Variants in RBFOX1 observed in about 807,000 individuals in gnomAD.
The protein encoded by RBFOX1 is RNA binding fox-1 homolog 1.
RBFOX1 carries 8 observed loss-of-function variants against 57.7 expected under a neutral mutation model. That is an observed-to-expected ratio of 0.14 (90% CI 0.08 to 0.25). The LOEUF (loss-of-function observed/expected upper bound fraction) is 0.25. RBFOX1 is among the 10% of genes least tolerant of loss of function. The pLI is 1.00. For synonymous variants in RBFOX1, 326 were observed against 222.4 expected, an observed-to-expected ratio of 1.47 and a Z score of -4.15; for missense variants, 611 against 548.5, an observed-to-expected ratio of 1.11 and a Z score of -1.14.
intron 3 of RBFOX1, among the ~76,000 whole-genome samples, chr16:6,961,939 G>A (rs1034027134): frequency 4.1e-5 from 6 of 148,130 alleles, no homozygotes; most frequent in Middle Eastern, 3.2e-3. Context: ...TGTGTCTTGT[G>A]CAGACCTTCT....
chr16:6,685,345 G>A (rs971075714), intron 3 of RBFOX1, among the ~76,000 whole-genome samples: 1 of 140,298 alleles, frequency 7.1e-6, no homozygotes, highest in South Asian at 2.2e-4. Flanking sequence ...GCTGGATCTC[G>A]GCTCACTGCA....
At chr16:6,650,358 A>T (rs1440772044) in intron 2 of RBFOX1, among the ~76,000 whole-genome samples, 1 of 152,164 alleles carries the variant, frequency 6.6e-6, no homozygotes, top group Non-Finnish European at 1.5e-5. Flanking sequence ...TGGATAAATT[A>T]TGTGGACTGA....
Position 6,679,864 on chromosome 16 carries a change from C to T in RBFOX1, c.-16+25214C>T, listed in dbSNP as rs1274954116. Among the ~76,000 whole-genome samples, 4 of 140,336 alleles carry T rather than the reference C, an allele frequency of 2.9e-5. No individual in the cohort carries two copies. The East Asian group carries it at 8.4e-4, about 30-fold the overall frequency. The allele number at this position is 140,336 out of a possible 152,430, so 92.1% of individuals were successfully genotyped here. ...AACACTGGGACCTTCTACATAAAGCCATAGTTTCTACTTGTTTTTTTTTTT... is the reference window on the plus strand; with the variant it reads ...AACACTGGGACCTTCTACATAAAGCTATAGTTTCTACTTGTTTTTTTTTTT... On this transcript the variant is annotated intron_variant, in intron 3 of 15. Coordinates refer to ENST00000550418, the MANE Select transcript of RBFOX1 (RefSeq NM_018723.4).
intron 12 of RBFOX1, among the ~76,000 whole-genome samples, chr16:7,659,291 T>TAAGTC (rs919247864): frequency 6.6e-6 from 1 of 152,200 alleles, no homozygotes; most frequent in Non-Finnish European, 1.5e-5. Flanking sequence ...GTTTTCACGT[T>TAAGTC]AAGTCCTAAA....
At position 5,576,835 on chromosome 16, in the gene RBFOX1, A is replaced by G. The variant is rs11862305; in HGVS notation, c.259-22067A>G. ...AGAAGCTGAAGGGTCTGAGCGCTAG[A>G]GAACTAAATAAATAGAGGGAAGAGA... On this transcript the variant is annotated intron_variant, in intron 2 of 2. Transcript: ENST00000585867. Among the ~76,000 whole-genome samples the G allele has an allele frequency of 5.5e-3, 843 of 152,360 alleles. 11 individuals are homozygous for G. Among genetic ancestry groups the G allele is most frequent in the African/African-American group, 0.019 (807 of 41,590 alleles).
At chr16:6,650,346 T>C (rs943306665) in intron 2 of RBFOX1, among the ~76,000 whole-genome samples, 1 of 152,136 alleles carries the variant, frequency 6.6e-6, no homozygotes, top group Non-Finnish European at 1.5e-5. Flanking sequence ...GAATGAAACC[T>C]GTGGATAAAT....
At chr16:5,364,417 C>T (rs1478452410) in intron 1 of RBFOX1, among the ~76,000 whole-genome samples, 1 of 152,180 alleles carries the variant, frequency 6.6e-6, no homozygotes, top group Non-Finnish European at 1.5e-5. Context: ...CTTGGCAATA[C>T]CTAAGAAATA....
chr16:6,705,271 C>T (rs184986280), intron 3 of RBFOX1: 1 of 152,106 alleles, frequency 6.6e-6, no homozygotes. Context: ...TCAAAACATA[C>T]TGGGCAAAGG....
At chr16:7,298,992 A>C (rs1401251515) in intron 4 of RBFOX1, among the ~76,000 whole-genome samples, 2 of 152,214 alleles carry the variant, frequency 1.3e-5, no homozygotes, top group Non-Finnish European at 2.9e-5. Flanking sequence ...GCAATGGTGG[A>C]GTGAATATCC....
chr16:5,341,017 A>G (rs1300668558), intron 1 of RBFOX1, among the ~76,000 whole-genome samples: 1 of 152,202 alleles, frequency 6.6e-6, no homozygotes, highest in African/African-American at 2.4e-5. Flanking sequence ...TGAATAACCC[A>G]GATACCTGTG....
chr16:6,973,521 C>T (rs896399053), intron 3 of RBFOX1, among the ~76,000 whole-genome samples: 5 of 152,186 alleles, frequency 3.3e-5, no homozygotes, highest in Non-Finnish European at 7.3e-5. Flanking sequence ...CTAGGAGAAG[C>T]TCAACGTTGA....
chr16:7,030,520 T>G (rs1182318051), intron 3 of RBFOX1, among the ~76,000 whole-genome samples: 1 of 152,192 alleles, frequency 6.6e-6, no homozygotes, highest in East Asian at 1.9e-4. Flanking sequence ...CGTTCCTTGG[T>G]TTGTGGCCAC....
intron 1 of RBFOX1, among the ~76,000 whole-genome samples, chr16:6,197,485 C>A (rs894780875): frequency 8.3e-4 from 126 of 152,224 alleles, no homozygotes; most frequent in African/African-American, 2.7e-3. Flanking sequence ...CCCTGCTCCA[C>A]CTGAGCACAA....
At chr16:5,557,028 G>C (rs2045703251) in intron 2 of RBFOX1, among the ~76,000 whole-genome samples, 2 of 152,112 alleles carry the variant, frequency 1.3e-5, no homozygotes, top group Admixed American at 1.3e-4. Context: ...GGGAGGCTGA[G>C]GCAGGCGGAT....
intron 3 of RBFOX1, among the ~76,000 whole-genome samples, chr16:6,874,926 A>G (rs118092721): frequency 1.3e-5 from 2 of 152,112 alleles, no homozygotes; most frequent in African/African-American, 4.8e-5. Context: ...TAAAAGAAAA[A>G]CATTGTTGAA....
chr16:6,536,555 AG>A (rs1665192543), intron 2 of RBFOX1, among the ~76,000 whole-genome samples: 1 of 113,206 alleles, frequency 8.8e-6, no homozygotes, highest in African/African-American at 3.1e-5. Context: ...GGGGCCCAGG[AG>A]GTTTTTTTTT....
rs1049315490 is a variant in RBFOX1, at chr16:6,224,332, C to T, written c.-126-92663C>T. On this transcript the variant is annotated intron_variant, in intron 1 of 15. Coordinates refer to ENST00000550418, the MANE Select transcript of RBFOX1 (RefSeq NM_018723.4). ...TTTTCACGATATTGATTCTTTCTAA[C>T]CATGAGCATGGAATGTTCTTCTGTT... Among the ~76,000 whole-genome samples, 10 of 151,938 alleles carry T rather than the reference C, an allele frequency of 6.6e-5. 1 individual carries two copies. Among genetic ancestry groups the T allele is most frequent in the African/African-American group, 2.4e-4 (10 of 41,382 alleles).
chr16:6,245,195 T>G (rs1313919268), intron 1 of RBFOX1, among the ~76,000 whole-genome samples: 1 of 152,186 alleles, frequency 6.6e-6, no homozygotes. Flanking sequence ...AACCTCTATT[T>G]CTTTGTAAGC....
At chr16:5,686,460 T>C (rs1252595812) in intron 3 of RBFOX1, among the ~76,000 whole-genome samples, 1 of 152,186 alleles carries the variant, frequency 6.6e-6, no homozygotes, top group African/African-American at 2.4e-5. Flanking sequence ...ACCCAAAGCC[T>C]GCAGTGAAGG....
Sources: allele counts gnomAD v4.1 joint callset (sites outside exome capture counted in the v4.1 genomes callset), GRCh38; gene constraint gnomAD v4.1.1; transcripts MANE v1.5; gene names NCBI Gene and HGNC (gene_info 2026-07-23, HGNC 2026-07-21).